The following RPH3AL variants were observed in gnomAD, a reference collection of about 807,000 sequenced individuals.
RPH3AL encodes the protein rab effector Noc2.
A neutral mutation model predicts 43.1 loss-of-function variants in RPH3AL; 38 were observed. That is an observed-to-expected ratio of 0.88 (90% CI 0.68 to 1.15). The LOEUF (loss-of-function observed/expected upper bound fraction) is 1.15. Among genes scored for constraint, RPH3AL ranks in the 50% most tolerant of loss-of-function variants. The pLI is 0.00. For synonymous variants in RPH3AL, 189 were observed against 176.3 expected, an observed-to-expected ratio of 1.07 and a Z score of -0.57; for missense variants, 462 against 423.2, an observed-to-expected ratio of 1.09 and a Z score of -0.81.
rs70954495 is a variant in RPH3AL, at chr17:304,161, G to GA, written c.351+15258_351+15259insT. On this transcript the variant is annotated intron_variant, in intron 5 of 9. Coordinates refer to ENST00000331302, the MANE Select transcript of RPH3AL (RefSeq NM_006987.4). ...AGCAGTGACCGTGTCTCAGGAAAGA[G>GA]TGGGGCAGGGAGGGAGGCTGTACTG... Among the ~76,000 whole-genome samples, 722 of 101,656 alleles carry GA rather than the reference G, an allele frequency of 7.1e-3. 328 individuals carry two copies. Among genetic ancestry groups the GA allele is most frequent in the East Asian group, 0.031 (51 of 1,636 alleles). 66.7% of individuals were successfully genotyped at this position (101,656 alleles called of 152,430 possible). A position where few individuals can be genotyped will look rare whatever the true frequency, so the allele number is the denominator to read the frequency against.
intron 7 of RPH3AL, among the ~76,000 whole-genome samples, chr17:241,435 A>C (rs2041531361): frequency 6.6e-6 from 1 of 152,170 alleles, no homozygotes; most frequent in Non-Finnish European, 1.5e-5. Flanking sequence ...ATTGATTTGA[A>C]TGTCCATCGA....
Position 219,732 on chromosome 17 carries a change from A to G in RPH3AL, c.618T>C (p.Val206=). The G allele has an allele frequency of 6.2e-7, 1 of 1,612,092 alleles. No homozygotes were observed. Among genetic ancestry groups the G allele is most frequent in the Non-Finnish European group, 8.5e-7 (1 of 1,178,534 alleles). The change falls in exon 8 of 10, where the codon GTT becomes GTC. Residue 206 remains valine, a synonymous_variant. Transcript: ENST00000331302. ...RIYTWARGRV[V]SSDSDSDSDL... ...CCGAGTCACTGTCACTGTCACTGGAAACCACTGGAAGAGACAGACCACAGC... is the reference window on the plus strand; with the variant it reads ...CCGAGTCACTGTCACTGTCACTGGAGACCACTGGAAGAGACAGACCACAGC...
intron 5 of RPH3AL, among the ~76,000 whole-genome samples, chr17:307,203 ACGG>A (rs1567633717): frequency 6.1e-5 from 4 of 65,906 alleles, no homozygotes; most frequent in Non-Finnish European, 1.1e-4. Context: ...GGTCCTCCCC[ACGG>A]CAGGTCCATC....
At chr17:352,178 G>A (rs1465938215) in intron 1 of RPH3AL, among the ~76,000 whole-genome samples, 2 of 152,206 alleles carry the variant, frequency 1.3e-5, no homozygotes, top group African/African-American at 4.8e-5. Context: ...AGGGTAGGGA[G>A]CACAGAGCCT....
At chr17:326,654 G>T (rs994082633) in intron 3 of RPH3AL, among the ~76,000 whole-genome samples, 1 of 152,228 alleles carries the variant, frequency 6.6e-6, no homozygotes, top group Non-Finnish European at 1.5e-5. Flanking sequence ...ACCAAGGCGG[G>T]TGGATCACTT....
intron 7 of RPH3AL, among the ~76,000 whole-genome samples, chr17:221,817 G>T (rs12935951): frequency 3.2e-5 from 1 of 31,298 alleles, no homozygotes; most frequent in Non-Finnish European, 7.1e-5. Flanking sequence ...AGCTCTGAGG[G>T]CTCCACTCAC....
chr17:316,557 G>A (rs1335760830), intron 5 of RPH3AL, among the ~76,000 whole-genome samples: 1 of 141,214 alleles, frequency 7.1e-6, no homozygotes, highest in Non-Finnish European at 1.5e-5. Flanking sequence ...CCACTGACAT[G>A]TAGTCCCTGT....
At chr17:252,541 A>G (rs1411134390) in intron 6 of RPH3AL, among the ~76,000 whole-genome samples, 2 of 152,102 alleles carry the variant, frequency 1.3e-5, no homozygotes, top group Admixed American at 6.6e-5. Context: ...TTCCGAACTC[A>G]TAACTTCTCC....
At chr17:214,137 CCCT>C (rs1567555282) in intron 9 of RPH3AL, among the ~76,000 whole-genome samples, 2 of 152,230 alleles carry the variant, frequency 1.3e-5, no homozygotes. Flanking sequence ...GGGCTTCAGG[CCCT>C]CCTCCTAACC....
chr17:311,792 T>C (rs1296270372), intron 5 of RPH3AL, among the ~76,000 whole-genome samples: 2 of 151,778 alleles, frequency 1.3e-5, no homozygotes, highest in African/African-American at 4.8e-5. Context: ...TTACAGAAAA[T>C]ATGGGACTAG....
Position 257,729 on chromosome 17 carries a change from C to T in RPH3AL, c.439-10444G>A, listed in dbSNP as rs201387640. On this transcript the variant is annotated intron_variant, in intron 6 of 9. Transcript: ENST00000331302. The stretch of plus-strand genomic sequence containing the variant: ...CCTACGTACTTCCTATGAGGGGAGC[C>T]GCACGGTGTCTGTCCTTTTCCGTCC... Among the ~76,000 whole-genome samples the T allele has an allele frequency of 5.0e-3, 128 of 25,708 alleles. 4 individuals carry two copies. Among genetic ancestry groups the T allele is most frequent in the African/African-American group, 0.013 (55 of 4,190 alleles). 16.9% of individuals were successfully genotyped at this position (25,708 alleles called of 152,430 possible).
In RPH3AL at chr17:319,317, A is replaced by G. The variant is rs2044391506; in HGVS notation, c.351+103T>C. 14 of 1,382,428 alleles carry G rather than the reference A, an allele frequency of 1.0e-5. 1 individual carries two copies. The highest frequency in any genetic ancestry group is 2.8e-5 in the South Asian group (2 of 72,514). The allele number at this position is 1,382,428 out of a possible 1,614,324, so 85.6% of individuals were successfully genotyped here. A position where few individuals can be genotyped will look rare whatever the true frequency, so the allele number is the denominator to read the frequency against. Reference sequence around the variant, plus strand: ...AGATGCAGAGGATACCACATGCCCAACGCAGACATACACACTCCTGGGAGC... The same window carrying G: ...AGATGCAGAGGATACCACATGCCCAGCGCAGACATACACACTCCTGGGAGC... On this transcript the variant is annotated intron_variant, in intron 5 of 9. Coordinates refer to ENST00000331302, the MANE Select transcript of RPH3AL (RefSeq NM_006987.4).
At chr17:346,771 C>T (rs2045244522) in intron 1 of RPH3AL, among the ~76,000 whole-genome samples, 2 of 135,558 alleles carry the variant, frequency 1.5e-5, no homozygotes, top group African/African-American at 5.1e-5. Context: ...AAACAAACAA[C>T]AGACACTTCA....
At chr17:331,329 T>C (rs1367930588) in intron 2 of RPH3AL, 2 of 42,360 alleles carry the variant, frequency 4.7e-5, no homozygotes, top group South Asian at 1.4e-4. Flanking sequence ...GACGGAAGGA[T>C]GTCGCCTCCA....
chr17:304,964 AGAGGGGGACAGGGCGG>A (rs1567631183), intron 5 of RPH3AL, among the ~76,000 whole-genome samples: 242 of 16,744 alleles, frequency 0.014, 7 homozygotes, highest in Middle Eastern at 0.031. Context: ...GGACAGGGCG[AGAGGGGGACAGGGCGG>A]GAGGGGGACA....
Position 282,053 on chromosome 17 carries a change from T to A in RPH3AL, c.352-199A>T, listed in dbSNP as rs545300992. Among the ~76,000 whole-genome samples, 52 of 152,228 alleles carry A rather than the reference T, an allele frequency of 3.4e-4. No homozygotes were observed. The South Asian group carries it at 0.01, about 30-fold the overall frequency. On this transcript the variant is annotated intron_variant, in intron 5 of 9. Transcript: ENST00000331302. ...GCTTTGGACGTAATGGATGGCCCCA[T>A]CCACGGAACCCCCACCCCAGAGTTA...
In RPH3AL at chr17:322,018, T is replaced by G. The variant is rs909302451; in HGVS notation, c.78-603A>C. 6.6e-6 allele frequency among the ~76,000 whole-genome samples: 1 copy of G among 152,080 alleles called. No individual in the cohort carries two copies. Among genetic ancestry groups the G allele is most frequent in the Admixed American group, 6.5e-5 (1 of 15,274 alleles). ...ACCAGGGGACAGGAAAGCCATGTAATTAGGGTGAAGACACAGCGTTGATAT... is the reference window on the plus strand; with the variant it reads ...ACCAGGGGACAGGAAAGCCATGTAAGTAGGGTGAAGACACAGCGTTGATAT... On this transcript the variant is annotated intron_variant, in intron 3 of 9. Transcript: ENST00000331302. The surrounding 1 kb of genome is among the most constrained non-coding windows in gnomAD (Gnocchi z 4.0).
intron 7 of RPH3AL, among the ~76,000 whole-genome samples, chr17:224,567 C>T (rs2041063922): frequency 6.6e-6 from 1 of 152,224 alleles, no homozygotes. Flanking sequence ...CTTCCCCTAG[C>T]AGGTTGTGAG....
At chr17:270,702 A>G (rs558259805) in intron 6 of RPH3AL, among the ~76,000 whole-genome samples, 113 of 152,280 alleles carry the variant, frequency 7.4e-4, no homozygotes, top group African/African-American at 2.6e-3. Flanking sequence ...AAAAAAAAAA[A>G]AAATTTCTCC....
Sources: gnomAD v4.1 joint callset for allele counts (sites outside exome capture counted in the v4.1 genomes callset) on GRCh38, gnomAD v4.1.1 for gene constraint, Gnocchi (gnomAD v3.1) non-coding constraint, MANE v1.5 for transcripts, NCBI Gene and HGNC (gene_info 2026-07-23, HGNC 2026-07-21) for gene names.